Variants in ASIC2 observed in about 807,000 individuals in gnomAD.
ASIC2 encodes acid sensing ion channel subunit 2.
ASIC2 carries 25 observed loss-of-function variants against 57.3 expected under a neutral mutation model. The observed-to-expected ratio is 0.44, with a 90% confidence interval of 0.32 to 0.61. The LOEUF (loss-of-function observed/expected upper bound fraction) is 0.61, where lower values mean the gene tolerates loss of function less well. Ranked by LOEUF, ASIC2 falls within the 20% of genes least tolerant of loss-of-function variation. The probability of loss-of-function intolerance (pLI) is 0.06; values close to 1 mark genes in which losing one functional copy is unlikely to be tolerated. For synonymous variants in ASIC2, 319 were observed against 307.5 expected, an observed-to-expected ratio of 1.04 and a Z score of -0.39; for missense variants, 641 against 738.1, an observed-to-expected ratio of 0.87 and a Z score of 1.52.
intron 1 of ASIC2, among the ~76,000 whole-genome samples, chr17:33,704,233 T>A (rs1908794746): frequency 6.6e-6 from 1 of 152,226 alleles, no homozygotes; most frequent in Admixed American, 6.5e-5. Flanking sequence ...CTCAAACTGA[T>A]GCTTTGCTCG....
At chr17:33,897,980 GA>G (rs1159639800) in intron 1 of ASIC2, among the ~76,000 whole-genome samples, 1 of 152,186 alleles carries the variant, frequency 6.6e-6, no homozygotes. Flanking sequence ...TCCTCAAACT[GA>G]AGGAGTCAGT....
At chr17:33,326,699 C>A (rs1320251703) in intron 1 of ASIC2, among the ~76,000 whole-genome samples, 4 of 152,190 alleles carry the variant, frequency 2.6e-5, no homozygotes, top group African/African-American at 9.7e-5. Context: ...ACTTTTTCCC[C>A]AAAGGGCCTC....
intron 1 of ASIC2, among the ~76,000 whole-genome samples, chr17:33,910,626 G>C (rs1231348036): frequency 6.6e-6 from 1 of 152,082 alleles, no homozygotes; most frequent in Non-Finnish European, 1.5e-5. Flanking sequence ...CTTCATGAGG[G>C]CAGGGGGCAG....
chr17:33,906,491 C>A (rs1369359906), intron 1 of ASIC2, among the ~76,000 whole-genome samples: 7 of 152,176 alleles, frequency 4.6e-5, no homozygotes, highest in Non-Finnish European at 7.3e-5. Context: ...TGGAAATGCA[C>A]CAGTTCTGAG....
chr17:33,455,574 A>C (rs1912421065), intron 1 of ASIC2, among the ~76,000 whole-genome samples: 1 of 152,196 alleles, frequency 6.6e-6, no homozygotes, highest in Non-Finnish European at 1.5e-5. Flanking sequence ...CAACACATTT[A>C]CTTTATCCAG....
intron 1 of ASIC2, among the ~76,000 whole-genome samples, chr17:33,904,791 C>T (rs117862600): frequency 0.013 from 2,006 of 152,330 alleles, 25 homozygotes; most frequent in Non-Finnish European, 0.023. Flanking sequence ...ACTTCTGTAA[C>T]TTCTTCCTTA....
intron 1 of ASIC2, among the ~76,000 whole-genome samples, chr17:33,169,284 C>T (rs933275222): frequency 3.3e-5 from 5 of 152,224 alleles, no homozygotes; most frequent in Non-Finnish European, 7.3e-5. Flanking sequence ...AGATTTCCTG[C>T]CCCACTCAGG....
chr17:34,085,467 G>A (rs527764244), intron 1 of ASIC2, among the ~76,000 whole-genome samples: 215 of 152,256 alleles, frequency 1.4e-3, no homozygotes, highest in African/African-American at 4.2e-3. Context: ...TTTTTGCATC[G>A]ATGTTCATCA....
At chr17:33,809,698 GGT>G (rs1200982019) in intron 1 of ASIC2, among the ~76,000 whole-genome samples, 1 of 152,136 alleles carries the variant, frequency 6.6e-6, no homozygotes, top group Non-Finnish European at 1.5e-5. Context: ...ACTTATAAAT[GGT>G]GTGTTTATCT....
chr17:33,405,945 C>T (rs115117741), intron 1 of ASIC2, among the ~76,000 whole-genome samples: 1 of 152,112 alleles, frequency 6.6e-6, no homozygotes, highest in Non-Finnish European at 1.5e-5. Context: ...CCCGAGCCTG[C>T]GAGCATTATT....
intron 1 of ASIC2, among the ~76,000 whole-genome samples, chr17:33,896,089 T>C (rs1376892201): frequency 6.6e-6 from 1 of 152,262 alleles, no homozygotes; most frequent in South Asian, 2.1e-4. Context: ...TCTGTTTATA[T>C]TGTTATCCAA....
chr17:33,291,589 C>G lies in ASIC2; in HGVS notation c.527G>C (p.Arg176Pro). Residue 176 changes from arginine to proline, a missense_variant, in exon 1 of 10, where the codon CGG becomes CCG. Physicochemically the swap from Arg to Pro is moderately radical, Grantham distance 103. Transcript: ENST00000225823. ...CCACTGGCGGCGCGGCTCGTCGCCCCGCAGCAGCTCGCTGACAAGCGGGCG... is the reference window on the plus strand; with the variant it reads ...CCACTGGCGGCGCGGCTCGTCGCCCGGCAGCAGCTCGCTGACAAGCGGGCG... ...TARPLVSELL[R>P]GDEPRRQWFR... 4 of 1,608,252 alleles carry G rather than the reference C, an allele frequency of 2.5e-6. No homozygotes were observed. Among genetic ancestry groups the G allele is most frequent in the Non-Finnish European group, 3.4e-6 (4 of 1,178,378 alleles).
At chr17:33,485,861 C>T (rs188664547) in intron 1 of ASIC2, among the ~76,000 whole-genome samples, 91 of 152,366 alleles carry the variant, frequency 6.0e-4, no homozygotes, top group African/African-American at 2.1e-3. Flanking sequence ...TGCTAATTCA[C>T]GGCTGCTAAT....
At chr17:33,854,270 C>T (rs555189453) in intron 1 of ASIC2, among the ~76,000 whole-genome samples, 1 of 152,260 alleles carries the variant, frequency 6.6e-6, no homozygotes, top group South Asian at 2.1e-4. Flanking sequence ...TAGTGGGTGG[C>T]ATGTCTACTT....
chr17:34,005,955 C>A lies in ASIC2; in HGVS notation c.555+150023G>T, dbSNP rs553063784. 2.6e-5 allele frequency: 4 copies of A among 152,314 alleles called. No homozygotes were observed. In the South Asian group the frequency reaches 8.3e-4, roughly 32 times the overall value. The allele number at this position is 152,314 out of a possible 1,614,324, so 9.4% of individuals were successfully genotyped here. A position where few individuals can be genotyped will look rare whatever the true frequency, so the allele number is the denominator to read the frequency against. On this transcript the variant is annotated intron_variant, in intron 1 of 9. Coordinates refer to the ASIC2 transcript ENST00000359872. ...CAAACATGTCTGCTTTCCACATATG[C>A]GTATGCCATGCACTGTGTTAGGCAC... is the stretch of plus-strand genomic sequence containing the variant.
At chr17:33,518,235 C>A (rs1597760902) in intron 1 of ASIC2, among the ~76,000 whole-genome samples, 1 of 152,298 alleles carries the variant, frequency 6.6e-6, no homozygotes, top group African/African-American at 2.4e-5. Flanking sequence ...TAAGAGTAAG[C>A]TCTAGAAACA....
intron 1 of ASIC2, among the ~76,000 whole-genome samples, chr17:33,740,315 G>A (rs1431325507): frequency 6.6e-6 from 1 of 152,220 alleles, no homozygotes; most frequent in African/African-American, 2.4e-5. Flanking sequence ...AAAGGAAAGA[G>A]GTTCAATTGA....
At chr17:33,644,609 G>A (rs776298770) in intron 1 of ASIC2, among the ~76,000 whole-genome samples, 1 of 152,188 alleles carries the variant, frequency 6.6e-6, no homozygotes, top group Non-Finnish European at 1.5e-5. Context: ...CCTCAAAAAT[G>A]CATCCGATTA....
intron 1 of ASIC2, among the ~76,000 whole-genome samples, chr17:33,471,033 C>A (rs963564143): frequency 6.6e-6 from 1 of 152,172 alleles, no homozygotes; most frequent in South Asian, 2.1e-4. Flanking sequence ...AGCAAAGATA[C>A]GGTTTGGTCA....
Sources: gnomAD v4.1 joint callset for allele counts (sites outside exome capture counted in the v4.1 genomes callset) on GRCh38, gnomAD v4.1.1 for gene constraint, MANE v1.5 for transcripts, NCBI Gene and HGNC (gene_info 2026-07-23, HGNC 2026-07-21) for gene names.